Variants in SNX29 observed in about 807,000 individuals in gnomAD.
The protein encoded by SNX29 is sorting nexin-29.
A neutral mutation model predicts 102.1 loss-of-function variants in SNX29; 78 were observed. The ratio of observed to expected loss-of-function variants is 0.76; its 90% CI spans 0.64 to 0.92. The LOEUF (loss-of-function observed/expected upper bound fraction) is 0.92. Ranked by LOEUF, SNX29 falls within the 40% of genes least tolerant of loss-of-function variation. SNX29 has a pLI of 0.00. For synonymous variants in SNX29, 580 were observed against 414.5 expected (o/e 1.40, Z -4.85); for missense variants, 1,280 against 1,061.7 (o/e 1.21, Z -2.86).
chr16:12,411,054 G>C (rs758889065), intron 18 of SNX29, among the ~76,000 whole-genome samples: 1 of 152,216 alleles, frequency 6.6e-6, no homozygotes, highest in Non-Finnish European at 1.5e-5. Context: ...TGGTTGGACC[G>C]AGTACAGAAA....
intron 13 of SNX29, among the ~76,000 whole-genome samples, chr16:12,193,202 T>C (rs369444093): frequency 2.0e-5 from 3 of 152,246 alleles, no homozygotes; most frequent in Non-Finnish European, 1.5e-5. Context: ...TTCCTTTTTA[T>C]TGATGAGTAA....
chr16:12,215,566 G>C (rs557874744), intron 14 of SNX29, among the ~76,000 whole-genome samples: 1 of 152,172 alleles, frequency 6.6e-6, no homozygotes, highest in East Asian at 1.9e-4. Flanking sequence ...AGAGGGGGGT[G>C]CCTGGTCTTT....
At chr16:11,995,144 T>C (rs139285705) in intron 1 of SNX29, among the ~76,000 whole-genome samples, 17 of 152,264 alleles carry the variant, frequency 1.1e-4, no homozygotes, top group African/African-American at 3.6e-4. Flanking sequence ...TGGCTCACTG[T>C]AACCTCCGTC....
chr16:12,264,566 G>C (rs2078871159), intron 14 of SNX29, among the ~76,000 whole-genome samples: 1 of 152,204 alleles, frequency 6.6e-6, no homozygotes, highest in African/African-American at 2.4e-5. Context: ...AGGATTGCCT[G>C]CAGTCAGGAG....
chr16:12,284,226 G>C (rs1177903295), intron 15 of SNX29, among the ~76,000 whole-genome samples: 4 of 152,240 alleles, frequency 2.6e-5, no homozygotes, highest in Admixed American at 2.6e-4. Flanking sequence ...CATGTATCGC[G>C]TGTCAGACTG....
chr16:11,981,384 C>CT (rs2055410081), intron 1 of SNX29, among the ~76,000 whole-genome samples: 1 of 151,780 alleles, frequency 6.6e-6, no homozygotes, highest in Non-Finnish European at 1.5e-5. Flanking sequence ...GATTACAAGC[C>CT]TGAGCCACCA....
At position 12,312,691 on chromosome 16, in the gene SNX29, G is replaced by A. The variant is rs889197083; in HGVS notation, c.1782+34655G>A. On this transcript the variant is annotated intron_variant, in intron 15 of 20. Coordinates refer to ENST00000566228, the MANE Select transcript of SNX29 (RefSeq NM_032167.5). ...GTTTCTGCTTGGCTTTGGGACAGAG[G>A]GGGAAGAGCTTCCAAGTGGTCCTAT... Among the ~76,000 whole-genome samples, 8 of 722 alleles carry A rather than the reference G, an allele frequency of 0.011. No homozygotes were observed. In the East Asian group the frequency reaches 0.38, roughly 34 times the overall value. The allele number at this position is 722 out of a possible 152,430, so 0.5% of individuals were successfully genotyped here. A position where few individuals can be genotyped will look rare whatever the true frequency, so the allele number is the denominator to read the frequency against.
intron 10 of SNX29, among the ~76,000 whole-genome samples, chr16:12,075,573 A>C (rs2051516509): frequency 6.6e-6 from 1 of 152,138 alleles, no homozygotes; most frequent in African/African-American, 2.4e-5. Flanking sequence ...GTCTGCCCCT[A>C]CTGGGGGATG....
chr16:12,557,839 C>T (rs866334852), intron 20 of SNX29: 1 of 152,226 alleles, frequency 6.6e-6, no homozygotes, highest in African/African-American at 2.4e-5. Flanking sequence ...AAAACATCAT[C>T]AATGTGACAT....
intron 14 of SNX29, among the ~76,000 whole-genome samples, chr16:12,203,041 C>G (rs764629785): frequency 5.3e-5 from 8 of 151,038 alleles, no homozygotes; most frequent in Non-Finnish European, 8.8e-5. Flanking sequence ...TAGCATGGCC[C>G]TGCTGTGAGG....
intron 15 of SNX29, among the ~76,000 whole-genome samples, chr16:12,320,454 C>G (rs1054073531): frequency 6.6e-6 from 1 of 152,158 alleles, no homozygotes; most frequent in African/African-American, 2.4e-5. Context: ...AAGCGCTCAG[C>G]CACCATCATC....
chr16:12,571,534 C>G lies in SNX29; in HGVS notation c.*2905C>G, dbSNP rs902863735. ...AGGGCCTTGGATTCCTGGGACCACC[C>G]TTTGCTGGGAGGAAGAATCCACACC... On this transcript the variant is annotated 3_prime_UTR_variant, in exon 21 of 21. Transcript: ENST00000566228. 21 of 888,304 alleles carry G rather than the reference C, an allele frequency of 2.4e-5. No individual in the cohort carries two copies. Among genetic ancestry groups the G allele is most frequent in the Admixed American group, 1.1e-4 (2 of 18,450 alleles). 55.0% of individuals were successfully genotyped at this position (888,304 alleles called of 1,614,324 possible).
At chr16:12,075,183 C>G (rs1033459462) in intron 10 of SNX29, among the ~76,000 whole-genome samples, 5 of 152,210 alleles carry the variant, frequency 3.3e-5, no homozygotes, top group Non-Finnish European at 5.9e-5. Context: ...CATTCTCCGT[C>G]CAGCTTTGTT....
intron 15 of SNX29, among the ~76,000 whole-genome samples, chr16:12,293,948 C>G (rs928893603): frequency 2.0e-5 from 3 of 152,214 alleles, no homozygotes; most frequent in Non-Finnish European, 2.9e-5. Context: ...TACTCTCATC[C>G]TCGCTATACA....
At chr16:12,310,957 TA>T (rs2080519776) in intron 15 of SNX29, among the ~76,000 whole-genome samples, 1 of 152,214 alleles carries the variant, frequency 6.6e-6, no homozygotes. Flanking sequence ...TGTTCTTTCC[TA>T]AATAACAGCT....
At chr16:12,184,001 AATGGGCC>A (rs1229662698) in intron 13 of SNX29, among the ~76,000 whole-genome samples, 46 of 152,332 alleles carry the variant, frequency 3.0e-4, no homozygotes, top group African/African-American at 8.4e-4. Context: ...TAACCATGAC[AATGGGCC>A]ACCGGCATCC....
intron 4 of SNX29, among the ~76,000 whole-genome samples, chr16:12,028,960 C>G (rs1450901180): frequency 6.6e-6 from 1 of 152,126 alleles, no homozygotes; most frequent in Non-Finnish European, 1.5e-5. Context: ...GTTGGCCAGG[C>G]TGGTCTCGAA....
In SNX29 at chr16:12,568,660, G is replaced by T. The variant is rs775055176; in HGVS notation, c.*31G>T. On this transcript the variant is annotated 3_prime_UTR_variant, in exon 21 of 21. Transcript: ENST00000566228. Reference sequence around the variant, plus strand: ...ACAAAACCGCAGCCACGGGCCCTGTGCGTGGCACCAGCTGCGTCCACCCCA... The same window carrying T: ...ACAAAACCGCAGCCACGGGCCCTGTTCGTGGCACCAGCTGCGTCCACCCCA... 42 of 1,596,720 alleles carry T rather than the reference G, an allele frequency of 2.6e-5. No homozygotes were observed. Among genetic ancestry groups the T allele is most frequent in the Non-Finnish European group, 3.3e-5 (39 of 1,178,154 alleles).
chr16:12,383,772 CTTT>C (rs58531196), intron 16 of SNX29, among the ~76,000 whole-genome samples: 11 of 105,922 alleles, frequency 1.0e-4, no homozygotes, highest in Admixed American at 1.9e-4. Context: ...CGTCAACTTT[CTTT>C]TTTTTTTTTT....
Sources: gnomAD v4.1 joint callset for allele counts (sites outside exome capture counted in the v4.1 genomes callset) on GRCh38, gnomAD v4.1.1 for gene constraint, MANE v1.5 for transcripts, NCBI Gene and HGNC (gene_info 2026-07-23, HGNC 2026-07-21) for gene names.